ELMO1: variants seen among roughly 807,000 people sequenced by gnomAD.
ELMO1 encodes the protein engulfment and cell motility 1, also known as engulfment and cell motility protein 1.
A neutral mutation model predicts 98.9 loss-of-function variants in ELMO1; 26 were observed. The ratio of observed to expected loss-of-function variants is 0.26; its 90% confidence interval spans 0.19 to 0.36. ELMO1 has a LOEUF of 0.36. ELMO1 is among the 10% of genes least tolerant of loss of function. The pLI, the probability that ELMO1 is intolerant of heterozygous loss-of-function variation, is 1.00. For synonymous variants in ELMO1, 346 were observed against 346.0 expected, an observed-to-expected ratio of 1.00 and a Z score of 0.00; for missense variants, 627 against 935.2, an observed-to-expected ratio of 0.67 and a Z score of 4.30.
chr7:36,970,180 A>AATACAC (rs1351505023), intron 16 of ELMO1, among the ~76,000 whole-genome samples: 18 of 144,354 alleles, frequency 1.2e-4, no homozygotes, highest in African/African-American at 4.4e-4. Context: ...TCATACACTT[A>AATACAC]ACACACACAC....
chr7:36,870,527 T>C lies in ELMO1; in HGVS notation c.1823-52A>G, dbSNP rs1290741768. ...TAACTACACCATGTGAAAACTTTGA[T>C]GTCAATAAAGAAACAGGACTAAGCA... is the stretch of plus-strand genomic sequence containing the variant. On this transcript the variant is annotated intron_variant, in intron 19 of 21. Coordinates refer to ENST00000310758, the MANE Select transcript of ELMO1 (RefSeq NM_014800.11). The surrounding 1 kb of genome is among the most constrained non-coding windows in gnomAD (Gnocchi z 4.4). 4.4e-6 allele frequency: 7 copies of C among 1,576,532 alleles called. No individual in the cohort carries two copies. Among genetic ancestry groups the C allele is most frequent in the Non-Finnish European group, 6.1e-6 (7 of 1,153,394 alleles).
intron 12 of ELMO1, among the ~76,000 whole-genome samples, chr7:37,212,550 G>A (rs929603293): frequency 2.6e-5 from 4 of 152,146 alleles, no homozygotes; most frequent in East Asian, 1.9e-4. Context: ...TGCCAAAAAC[G>A]TGGGGCACAT....
chr7:37,017,042 G>A (rs972328837), intron 15 of ELMO1, among the ~76,000 whole-genome samples: 1 of 152,174 alleles, frequency 6.6e-6, no homozygotes, highest in Admixed American at 6.5e-5. Flanking sequence ...ACCTATTAAT[G>A]CTGATGTATA....
At chr7:37,106,382 C>T (rs989619381) in intron 14 of ELMO1, among the ~76,000 whole-genome samples, 10 of 152,090 alleles carry the variant, frequency 6.6e-5, no homozygotes, top group African/African-American at 2.4e-4. Context: ...CTCTCACTTG[C>T]CCTCTGTCCC....
At chr7:37,356,022 G>A (rs764296670) in intron 1 of ELMO1, among the ~76,000 whole-genome samples, 9 of 152,168 alleles carry the variant, frequency 5.9e-5, no homozygotes, top group Non-Finnish European at 1.3e-4. Context: ...ATACCCCAAA[G>A]TATGGAGCTT....
chr7:37,188,409 T>TACACACAC (rs566236838), intron 13 of ELMO1, among the ~76,000 whole-genome samples: 25 of 115,858 alleles, frequency 2.2e-4, no homozygotes, highest in Admixed American at 3.7e-4. Flanking sequence ...TGCTTCTTGT[T>TACACACAC]ACACACACAC....
intron 2 of ELMO1, among the ~76,000 whole-genome samples, chr7:37,339,837 G>A (rs996745840): frequency 2.0e-5 from 3 of 150,798 alleles, no homozygotes; most frequent in African/African-American, 7.4e-5. Flanking sequence ...TCAAGAATTA[G>A]GCAATGCAAC....
At chr7:37,394,500 T>A (rs990455401) in intron 1 of ELMO1, among the ~76,000 whole-genome samples, 1 of 152,106 alleles carries the variant, frequency 6.6e-6, no homozygotes, top group Non-Finnish European at 1.5e-5. Flanking sequence ...GAAGACATTC[T>A]TACAACAACC....
chr7:37,040,266 T>G (rs1244167892), intron 15 of ELMO1, among the ~76,000 whole-genome samples: 1 of 152,112 alleles, frequency 6.6e-6, no homozygotes, highest in African/African-American at 2.4e-5. Context: ...CAAAACTAAA[T>G]AAAGCCAAAC....
intron 15 of ELMO1, among the ~76,000 whole-genome samples, chr7:37,062,813 G>T (rs1294979682): frequency 1.3e-5 from 2 of 152,172 alleles, no homozygotes; most frequent in African/African-American, 4.8e-5. Flanking sequence ...GTCGAACTTT[G>T]TATTAACTGA....
chr7:37,015,121 G>T (rs749429083), intron 15 of ELMO1, among the ~76,000 whole-genome samples: 2 of 151,876 alleles, frequency 1.3e-5, no homozygotes, highest in Non-Finnish European at 2.9e-5. Flanking sequence ...GGCACAACCC[G>T]ATTTGAAGAT....
rs566338750 is a variant in ELMO1 at position 37,417,669 on chromosome 7, C to T, written c.-74+31006G>A. On this transcript the variant is annotated intron_variant, in intron 1 of 21. Transcript: ENST00000310758. ...ACAGAGTAAGACTCCGTCACACACA[C>T]ACACACACACACACAAGCAAAAATT... Among the ~76,000 whole-genome samples the T allele has an allele frequency of 3.2e-4, 48 of 150,592 alleles. 1 individual carries two copies. The highest frequency in any genetic ancestry group is 3.4e-3 in the Middle Eastern group (1 of 292).
intron 5 of ELMO1, 97 bp from the exon 6 acceptor site, chr7:37,259,447 A>T (rs1795867712): frequency 1.4e-6 from 2 of 1,397,538 alleles, no homozygotes; most frequent in Non-Finnish European, 9.9e-7. Context: ...ACAAAAGCCA[A>T]AAGCGCAAGA....
At chr7:37,389,812 G>A (rs72630775) in intron 1 of ELMO1, among the ~76,000 whole-genome samples, 13,749 of 151,522 alleles carry the variant, frequency 0.091, 1,341 homozygotes, top group East Asian at 0.37. Context: ...AATGAAGCAC[G>A]GGCATCCCCC....
chr7:37,169,639 C>A (rs1424375386), intron 13 of ELMO1, among the ~76,000 whole-genome samples: 1 of 152,184 alleles, frequency 6.6e-6, no homozygotes, highest in African/African-American at 2.4e-5. Context: ...AAATTTCAAG[C>A]TTTTGCTTTT....
intron 16 of ELMO1, among the ~76,000 whole-genome samples, chr7:36,994,773 T>G (rs1021337071): frequency 6.6e-6 from 1 of 152,242 alleles, no homozygotes; most frequent in African/African-American, 2.4e-5. Context: ...CTTAAGTGTA[T>G]CACATCTGCT....
At chr7:37,042,050 T>C (rs1795540143) in intron 15 of ELMO1, among the ~76,000 whole-genome samples, 1 of 151,510 alleles carries the variant, frequency 6.6e-6, no homozygotes, top group African/African-American at 2.4e-5. Flanking sequence ...TTTGGGAGGC[T>C]GTGGCAGGTG....
intron 15 of ELMO1, among the ~76,000 whole-genome samples, chr7:37,018,242 T>C (rs1794064068): frequency 6.6e-6 from 1 of 151,938 alleles, no homozygotes; most frequent in Non-Finnish European, 1.5e-5. Flanking sequence ...TTCTCCTGCC[T>C]CAGCCTCCCA....
At chr7:37,413,192 T>C (rs114068093) in intron 1 of ELMO1, among the ~76,000 whole-genome samples, 75 of 152,244 alleles carry the variant, frequency 4.9e-4, no homozygotes, top group African/African-American at 1.7e-3. Context: ...TTCTTAATAC[T>C]TGCTCTGTCT....
Sources: gnomAD v4.1 joint callset for allele counts (sites outside exome capture counted in the v4.1 genomes callset) on GRCh38, gnomAD v4.1.1 for gene constraint, Gnocchi (gnomAD v3.1) non-coding constraint, MANE v1.5 for transcripts, NCBI Gene and HGNC (gene_info 2026-07-23, HGNC 2026-07-21) for gene names.